The following IL17RC variants were observed in gnomAD, a reference collection of about 807,000 sequenced individuals.
IL17RC encodes interleukin-17 receptor C.
Under a neutral mutation model 86.7 loss-of-function variants are expected in IL17RC, and 53 were observed. The observed-to-expected ratio is 0.61, with a 90% confidence interval of 0.49 to 0.77. The LOEUF is 0.77. Ranked by LOEUF, IL17RC falls within the 30% of genes least tolerant of loss-of-function variation. The pLI, the probability that IL17RC is intolerant of heterozygous loss-of-function variation, is 0.00. For missense variants in IL17RC, 957 were observed against 940.0 expected (o/e 1.02, Z -0.24); for synonymous variants, 439 against 413.1 (o/e 1.06, Z -0.76).
Position 9,924,295 on chromosome 3 carries a change from G to T in IL17RC, c.822+4G>T. 6.2e-7 allele frequency: 1 copy of T among 1,613,774 alleles called. No individual in the cohort carries two copies. The highest frequency in any genetic ancestry group is 1.7e-5 in the Admixed American group (1 of 60,004). ...GGTTCCCTGCCTCTGTATTCAGGTA[G>T]GAGCAGAGTCTAGCTGGGTGCCAGA... On this transcript the variant is annotated splice_donor_region_variant and intron_variant, in intron 9 of 18. Transcript: ENST00000403601.
rs765402459 is a variant in IL17RC at position 9,917,954 on chromosome 3, C to T, written c.159C>T (p.Ile53=). 2.0e-5 allele frequency: 32 copies of T among 1,613,584 alleles called. No homozygotes were observed. In the East Asian group the frequency reaches 3.6e-4, roughly 18 times the overall value. ...ACATACTCTGCCTGCCTGGGGACAT[C>T]GTGCCTGCTCCGGGCCCCGTGCTGG... ...DSDILCLPGD[I]VPAPGPVLAP... Residue 53 remains isoleucine, a synonymous_variant, in exon 3 of 19, where the codon ATC becomes ATT. Coordinates refer to ENST00000403601, the MANE Select transcript of IL17RC (RefSeq NM_153460.4).
chr3:9,924,305 C>A lies in IL17RC; in HGVS notation c.822+14C>A, dbSNP rs771027142. ...CTCTGTATTCAGGTAGGAGCAGAGT[C>A]TAGCTGGGTGCCAGAAGAGGAGTGG... is the stretch of plus-strand genomic sequence containing the variant. On this transcript the variant is annotated intron_variant, in intron 9 of 18. Transcript: ENST00000403601. The A allele has an allele frequency of 1.2e-6, 2 of 1,613,052 alleles. No individual in the cohort carries two copies. The highest frequency in any genetic ancestry group is 2.7e-5 in the African/African-American group (2 of 74,900).
In IL17RC at chr3:9,917,910, C is replaced by G. The variant is rs2083233993; in HGVS notation, c.128-13C>G. On this transcript the variant is annotated splice_polypyrimidine_tract_variant and intron_variant, in intron 2 of 18. Coordinates refer to ENST00000403601, the MANE Select transcript of IL17RC (RefSeq NM_153460.4). ...GGAACAGCTTCAGCTCCCACCCGCT[C>G]CTCCACACACAGACAGTGACATACT... 1.2e-6 allele frequency: 2 copies of G among 1,613,078 alleles called. No homozygotes were observed. Among genetic ancestry groups the G allele is most frequent in the Non-Finnish European group, 1.7e-6 (2 of 1,180,010 alleles).
In IL17RC at chr3:9,933,308, C is replaced by A. The variant is rs368309256; in HGVS notation, c.1878C>A (p.Pro626=). Residue 626 remains proline, a synonymous_variant, in exon 19 of 19, where the codon CCC becomes CCA. Coordinates refer to ENST00000403601, the MANE Select transcript of IL17RC (RefSeq NM_153460.4). ...VLPDFLQGRA[P]GSYVGACFDR... is the part of the protein sequence containing the mutation. Reference sequence around the variant, plus strand: ...CCGACTTCTTGCAGGGCCGGGCGCCCGGCAGCTACGTGGGGGCCTGCTTCG... The same window carrying A: ...CCGACTTCTTGCAGGGCCGGGCGCCAGGCAGCTACGTGGGGGCCTGCTTCG... 1.9e-6 allele frequency: 3 copies of A among 1,604,966 alleles called. No homozygotes were observed. The highest frequency in any genetic ancestry group is 1.3e-5 in the African/African-American group (1 of 74,730).
rs371431874 is a variant in IL17RC, at chr3:9,920,621, C to G, written c.577+19C>G. On this transcript the variant is annotated intron_variant, in intron 6 of 18. Transcript: ENST00000403601. ...CTGCCTGGTAAGTGGACCCCCAAGT[C>G]CTGGCCCCCTAGCCTCTGTCCCCTC... is the stretch of plus-strand genomic sequence containing the variant. 11 of 1,512,882 alleles carry G rather than the reference C, an allele frequency of 7.3e-6. 1 individual carries two copies. Among genetic ancestry groups the G allele is most frequent in the Non-Finnish European group, 1.0e-5 (11 of 1,098,850 alleles). 93.7% of individuals were successfully genotyped at this position (1,512,882 alleles called of 1,614,324 possible).
chr3:9,930,835 T>C lies in IL17RC; in HGVS notation c.1339-60T>C. On this transcript the variant is annotated intron_variant, in intron 15 of 18. Transcript: ENST00000403601. The surrounding 1 kb of genome is among the most constrained non-coding windows in gnomAD (Gnocchi z 5.8). ...AATTTGGAGATCAGGCCACCAGAGC[T>C]TGGTGAATATTGGAACACCTGGCTG... 6.9e-7 allele frequency: 1 copy of C among 1,445,616 alleles called. No homozygotes were observed. Among genetic ancestry groups the C allele is most frequent in the Non-Finnish European group, 9.7e-7 (1 of 1,026,484 alleles). 89.5% of individuals were successfully genotyped at this position (1,445,616 alleles called of 1,614,324 possible).
At chr3:9,919,299 C>T (rs1185382234) in intron 5 of IL17RC, 1 of 151,968 alleles carries the variant, frequency 6.6e-6, no homozygotes, top group African/African-American at 2.4e-5. Flanking sequence ...TGTGAAATAT[C>T]TCTTAAAGTT....
intron 12 of IL17RC, chr3:9,929,645 A>T: frequency 1.6e-6 from 1 of 638,230 alleles, no homozygotes; most frequent in South Asian, 1.8e-5. Flanking sequence ...GGGTCAGAAG[A>T]CGCTTTATAC....
In IL17RC at chr3:9,923,288, C is replaced by T. The variant is rs565579521; in HGVS notation, c.623-593C>T. 1.7e-4 allele frequency among the ~76,000 whole-genome samples: 13 copies of T among 74,688 alleles called. No homozygotes were observed. In the South Asian group the frequency reaches 5.8e-3, roughly 33 times the overall value. The allele number at this position is 74,688 out of a possible 152,430, so 49.0% of individuals were successfully genotyped here. A position where few individuals can be genotyped will look rare whatever the true frequency, so the allele number is the denominator to read the frequency against. The stretch of plus-strand genomic sequence containing the variant: ...GCCATAGGCTGTGCGCGATGGCTCA[C>T]GTCTGCAATCCCAGCACTTTGGGGA... On this transcript the variant is annotated intron_variant, in intron 7 of 18. Coordinates refer to ENST00000403601, the MANE Select transcript of IL17RC (RefSeq NM_153460.4).
At position 9,920,644 on chromosome 3, in the gene IL17RC, C is replaced by T. The variant is rs546651091; in HGVS notation, c.577+42C>T. The T allele has an allele frequency of 1.1e-5, 15 of 1,328,228 alleles. 1 individual carries two copies. In the South Asian group the frequency reaches 1.6e-4, roughly 14 times the overall value. The allele number at this position is 1,328,228 out of a possible 1,614,324, so 82.3% of individuals were successfully genotyped here. On this transcript the variant is annotated intron_variant, in intron 6 of 18. Transcript: ENST00000403601. ...GTCCTGGCCCCCTAGCCTCTGTCCCCTCTGGCCATTCCCCCTCCTGATTTC... is the reference window on the plus strand; with the variant it reads ...GTCCTGGCCCCCTAGCCTCTGTCCCTTCTGGCCATTCCCCCTCCTGATTTC...
chr3:9,924,381 A>C lies in IL17RC; in HGVS notation c.822+90A>C. 4 of 1,351,728 alleles carry C rather than the reference A, an allele frequency of 3.0e-6. No homozygotes were observed. In the East Asian group the frequency reaches 9.4e-5, roughly 32 times the overall value. 83.7% of individuals were successfully genotyped at this position (1,351,728 alleles called of 1,614,324 possible). A position where few individuals can be genotyped will look rare whatever the true frequency, so the allele number is the denominator to read the frequency against. The stretch of plus-strand genomic sequence containing the variant: ...GCCTTCCTGGTCTCACCATTCTTCA[A>C]ACCCTTCATTGAGGTGGAGACTGTG... On this transcript the variant is annotated intron_variant, in intron 9 of 18. Coordinates refer to ENST00000403601, the MANE Select transcript of IL17RC (RefSeq NM_153460.4).
At position 9,928,458 on chromosome 3, in the gene IL17RC, C is replaced by T. The variant is rs151311782; in HGVS notation, c.1031C>T (p.Pro344Leu). The change falls in exon 11 of 19, where the codon CCG becomes CTG. Residue 344 changes from proline to leucine, a missense_variant. By Grantham distance (98) the Pro-to-Leu change is moderately conservative (BLOSUM62 -3). Transcript: ENST00000403601. The part of the protein sequence containing the change: ...GGDPCQPLVP[P>L]LSWENVTVDK... The stretch of plus-strand genomic sequence containing the variant: ...GACCCCTGCCAGCCACTGGTCCCAC[C>T]GCTTTCCTGGGAGAACGTCACTGTG... 9.4e-5 allele frequency: 152 copies of T among 1,610,056 alleles called. No individual in the cohort carries two copies. The highest frequency in any genetic ancestry group is 2.0e-4 in the East Asian group (9 of 44,872).
At position 9,933,489 on chromosome 3, in the gene IL17RC, G is replaced by A. The variant is rs572542208; in HGVS notation, c.2059G>A (p.Ala687Thr). ...LQERAEQVSR[A>T]LQPALDSYFH... ...AGAGAGAGCGGAGCAAGTGTCCCGG[G>A]CCCTTCAGCCAGCCCTGGATAGCTA... The change falls in exon 19 of 19, where the codon GCC (alanine) becomes ACC (threonine). Residue 687 changes from alanine (A) to threonine (T), a missense_variant. Physicochemically the swap from Ala to Thr is moderately conservative, Grantham distance 58. Coordinates refer to ENST00000403601, the MANE Select transcript of IL17RC (RefSeq NM_153460.4). 3 of 1,611,986 alleles carry A rather than the reference G, an allele frequency of 1.9e-6. No individual in the cohort carries two copies. Among genetic ancestry groups the A allele is most frequent in the Non-Finnish European group, 2.5e-6 (3 of 1,179,494 alleles).
intron 9 of IL17RC, among the ~76,000 whole-genome samples, chr3:9,927,043 A>G (rs1317677775): frequency 6.6e-6 from 1 of 152,234 alleles, no homozygotes; most frequent in Non-Finnish European, 1.5e-5. Context: ...TGTGATTTAA[A>G]TGGCTTCATT....
chr3:9,932,691 G>A lies in IL17RC; in HGVS notation c.1471G>A (p.Asp491Asn), dbSNP rs761934074. 9.9e-6 allele frequency: 16 copies of A among 1,614,034 alleles called. No homozygotes were observed. The highest frequency in any genetic ancestry group is 1.4e-5 in the Non-Finnish European group (16 of 1,180,030). Residue 491 changes from aspartate (D) to asparagine (N), a missense_variant, in exon 17 of 19, where the codon GAT (aspartate) becomes AAT (asparagine). Asp to Asn is a conservative substitution (Grantham distance 23). Coordinates refer to ENST00000403601, the MANE Select transcript of IL17RC (RefSeq NM_153460.4). Reference protein sequence around the residue: ...ALSLILLLKKDHAKGWLRLLK... With the variant: ...ALSLILLLKKNHAKGWLRLLK... ...TTCCCTCATCCTCCTTCTCAAAAAGGATCACGCGAAAGGTGAGCGCTTCCC... is the reference window on the plus strand; with the variant it reads ...TTCCCTCATCCTCCTTCTCAAAAAGAATCACGCGAAAGGTGAGCGCTTCCC...
intron 16 of IL17RC, among the ~76,000 whole-genome samples, chr3:9,931,470 CATAT>C (rs1553593529): frequency 0.016 from 717 of 43,720 alleles, 17 homozygotes; most frequent in African/African-American, 0.032. Flanking sequence ...CACACACACA[CATAT>C]ATATATATAT....
chr3:9,929,745 T>G (rs2084474910), intron 12 of IL17RC, 107 bp from the exon 13 acceptor site: 2 of 1,161,094 alleles, frequency 1.7e-6, no homozygotes. Flanking sequence ...TCAGATTGAG[T>G]GCAGATTCCC....
At chr3:9,920,637 C>T in intron 6 of IL17RC, 35 bp downstream of exon 6, 1 of 1,386,780 alleles carries the variant, frequency 7.2e-7, no homozygotes, top group Non-Finnish European at 1.0e-6. Flanking sequence ...CCCCTAGCCT[C>T]TGTCCCCTCT....
intron 12 of IL17RC, 96 bp downstream of exon 12, chr3:9,928,726 GTTGC>G: frequency 1.5e-6 from 2 of 1,313,994 alleles, no homozygotes; most frequent in Non-Finnish European, 2.2e-6. Flanking sequence ...AAGCATAGTG[GTTGC>G]CAGCTTCCTC....
Sources: gnomAD v4.1 joint callset for allele counts (sites outside exome capture counted in the v4.1 genomes callset) on GRCh38, gnomAD v4.1.1 for gene constraint, Gnocchi (gnomAD v3.1) non-coding constraint, MANE v1.5 for transcripts, NCBI Gene and HGNC (gene_info 2026-07-23, HGNC 2026-07-21) for gene names.